The following KCNN2 variants were observed in gnomAD, a reference collection of about 807,000 sequenced individuals.
KCNN2 encodes potassium calcium-activated channel subfamily N member 2, also known as small conductance calcium-activated potassium channel protein 2.
In KCNN2, 24 loss-of-function variants were observed where a neutral mutation model predicts 55.5. The observed-to-expected ratio is 0.43, with a 90% CI of 0.31 to 0.61. KCNN2 has a LOEUF of 0.61. Ranked by LOEUF, KCNN2 falls within the 20% of genes least tolerant of loss-of-function variation. The pLI, the probability that KCNN2 is intolerant of heterozygous loss-of-function variation, is 0.08. For missense variants in KCNN2, 754 were observed against 853.6 expected (o/e 0.88, Z 1.45); for synonymous variants, 431 against 336.1 (o/e 1.28, Z -3.09).
In KCNN2 at chr5:114,202,601, T is replaced by TTTTTTTTTTC. The variant is rs70976320; in HGVS notation, c.-270-18879_-270-18878insTTTTTTTTTC. ...TATATATATATTTTTTTTTTTTTTT[T>TTTTTTTTTTC]CCCGAGACAGAGTCTCGCTCTGTTG... On this transcript the variant is annotated intron_variant, in intron 1 of 10. Coordinates refer to the KCNN2 transcript ENST00000512097. Among the ~76,000 whole-genome samples the TTTTTTTTTTC allele has an allele frequency of 6.4e-3, 902 of 140,844 alleles. 14 individuals carry two copies. The highest frequency in any genetic ancestry group is 0.024 in the African/African-American group (862 of 35,878). 92.4% of individuals were successfully genotyped at this position (140,844 alleles called of 152,430 possible). A position where few individuals can be genotyped will look rare whatever the true frequency, so the allele number is the denominator to read the frequency against.
rs551385753 is a variant in KCNN2 at position 114,446,272 on chromosome 5, G to A, written c.1638-16777G>A. ...TATATATAAAGTCTTGGAAATTGGG[G>A]AAGGTATTATATCTTCTGTGTCCTA... is the stretch of plus-strand genomic sequence containing the variant. On this transcript the variant is annotated intron_variant, in intron 3 of 7. Transcript: ENST00000673685. 4.6e-5 allele frequency among the ~76,000 whole-genome samples: 7 copies of A among 152,276 alleles called. No individual in the cohort carries two copies. The South Asian group carries it at 1.5e-3, about 32-fold the overall frequency.
chr5:114,236,751 AT>A (rs1439989895), intron 2 of KCNN2, among the ~76,000 whole-genome samples: 1 of 152,008 alleles, frequency 6.6e-6, no homozygotes, highest in Admixed American at 6.6e-5. Context: ...AATGTGAAAT[AT>A]TTTTTCATTG....
chr5:114,482,945 G>A (rs1206801872), intron 5 of KCNN2, among the ~76,000 whole-genome samples: 1 of 151,978 alleles, frequency 6.6e-6, no homozygotes, highest in Non-Finnish European at 1.5e-5. Flanking sequence ...TTAATAGCTG[G>A]GTGATGGAAT....
chr5:114,184,921 G>T (rs1013545437), intron 1 of KCNN2, among the ~76,000 whole-genome samples: 5 of 152,106 alleles, frequency 3.3e-5, no homozygotes, highest in Admixed American at 6.6e-5. Flanking sequence ...CATTTAAAGC[G>T]TAATCATTTT....
intron 2 of KCNN2, among the ~76,000 whole-genome samples, chr5:114,377,885 A>T (rs1757990690): frequency 6.6e-6 from 1 of 152,208 alleles, no homozygotes; most frequent in Non-Finnish European, 1.5e-5. Flanking sequence ...ATGCTCAATA[A>T]GTCTTAACTT....
chr5:114,089,525 A>G (rs1472044840), intron 1 of KCNN2, among the ~76,000 whole-genome samples: 1 of 152,178 alleles, frequency 6.6e-6, no homozygotes, highest in Non-Finnish European at 1.5e-5. Context: ...ACTCATGTGT[A>G]GTTGGGTAGT....
rs571564936 is a variant in KCNN2, at chr5:114,221,969, A to G, written c.-185+404A>G. 3.9e-5 allele frequency among the ~76,000 whole-genome samples: 6 copies of G among 152,306 alleles called. No homozygotes were observed. In the South Asian group the frequency reaches 1.2e-3, roughly 32 times the overall value. On this transcript the variant is annotated intron_variant, in intron 2 of 10. Coordinates refer to the KCNN2 transcript ENST00000512097. The stretch of plus-strand genomic sequence containing the variant: ...CTTTCGACCCTGTTTTCTCATTGAA[A>G]CTGAGGATGATGAAATACACCTTAC...
intron 1 of KCNN2, among the ~76,000 whole-genome samples, chr5:114,173,438 TTGTGTGTGTGTGTGTGTGTGTGTG>T (rs61630138): frequency 7.0e-6 from 1 of 142,098 alleles, no homozygotes; most frequent in Non-Finnish European, 1.5e-5. Context: ...TTTGTTTTGT[TTGTGTGTGTGTGTGTGTGTGTGTG>T]TGTGTGTGTG....
At chr5:114,367,550 G>A (rs1580754984) in intron 2 of KCNN2, among the ~76,000 whole-genome samples, 1 of 152,164 alleles carries the variant, frequency 6.6e-6, no homozygotes, top group African/African-American at 2.4e-5. Flanking sequence ...GATTATTTTT[G>A]TACAGTTTGG....
At chr5:114,429,465 G>A (rs769176236) in intron 3 of KCNN2, among the ~76,000 whole-genome samples, 22 of 151,898 alleles carry the variant, frequency 1.4e-4, no homozygotes, top group African/African-American at 3.9e-4. Context: ...ATGTGGTGCC[G>A]TTCAGATCTT....
At position 114,427,490 on chromosome 5, in the gene KCNN2, C is replaced by T. The variant is rs562017960; in HGVS notation, c.1637+22634C>T. Among the ~76,000 whole-genome samples the T allele has an allele frequency of 2.9e-4, 44 of 152,322 alleles. 1 individual carries two copies. The South Asian group carries it at 8.7e-3, about 30-fold the overall frequency. Reference sequence around the variant, plus strand: ...GGTATTTGGCTGGCTTCTAAATTCCCATCAAACCAATCCCACTCTTGTTTA... The same window carrying T: ...GGTATTTGGCTGGCTTCTAAATTCCTATCAAACCAATCCCACTCTTGTTTA... On this transcript the variant is annotated intron_variant, in intron 3 of 7. Coordinates refer to ENST00000673685, the MANE Select transcript of KCNN2 (RefSeq NM_021614.4).
intron 2 of KCNN2, among the ~76,000 whole-genome samples, chr5:114,302,700 A>G (rs1036539067): frequency 1.3e-5 from 2 of 152,204 alleles, no homozygotes; most frequent in Non-Finnish European, 2.9e-5. Context: ...AGTTAGAAGT[A>G]GAGCATTCTG....
intron 2 of KCNN2, among the ~76,000 whole-genome samples, chr5:114,388,784 A>G (rs1336284952): frequency 1.3e-5 from 2 of 152,092 alleles, no homozygotes; most frequent in African/African-American, 2.4e-5. Flanking sequence ...TAGTACTTTG[A>G]AGTTTACAGT....
chr5:114,496,187 G>A lies in KCNN2; in HGVS notation c.*5G>A, dbSNP rs372349593. 3.7e-6 allele frequency: 6 copies of A among 1,611,996 alleles called. No individual in the cohort carries two copies. Among genetic ancestry groups the A allele is most frequent in the Non-Finnish European group, 5.1e-6 (6 of 1,178,752 alleles). Reference sequence around the variant, plus strand: ...ACTTCATCAGAGAGTAGCTAGAAGAGAATAAGTTAACCACAAAATAAGACT... The same window carrying A: ...ACTTCATCAGAGAGTAGCTAGAAGAAAATAAGTTAACCACAAAATAAGACT... On this transcript the variant is annotated 3_prime_UTR_variant, in exon 8 of 8. Transcript: ENST00000673685.
chr5:114,242,859 A>G (rs1371319213), intron 2 of KCNN2, among the ~76,000 whole-genome samples: 1 of 152,220 alleles, frequency 6.6e-6, no homozygotes, highest in East Asian at 1.9e-4. Context: ...AACACAAAAA[A>G]TAAAAATAAA....
chr5:114,357,518 C>T (rs1278802844), upstream of KCNN2, among the ~76,000 whole-genome samples: 1 of 127,688 alleles, frequency 7.8e-6, no homozygotes, highest in Non-Finnish European at 1.6e-5. Context: ...TCTCATTGTT[C>T]AGTTCCCACC....
chr5:114,489,144 G>T (rs536047303), intron 6 of KCNN2: 1 of 152,214 alleles, frequency 6.6e-6, no homozygotes, highest in African/African-American at 2.4e-5. Flanking sequence ...CATGTGCAGT[G>T]GGGATTTGTA....
At chr5:114,466,990 A>C (rs1036344179) in intron 4 of KCNN2, among the ~76,000 whole-genome samples, 2 of 152,230 alleles carry the variant, frequency 1.3e-5, no homozygotes, top group African/African-American at 4.8e-5. Flanking sequence ...AGGAGCAAAA[A>C]AACAAGTCAG....
intron 1 of KCNN2, among the ~76,000 whole-genome samples, chr5:114,075,188 C>T (rs1750660962): frequency 6.6e-6 from 1 of 152,150 alleles, no homozygotes; most frequent in Non-Finnish European, 1.5e-5. Context: ...GAGATATAAA[C>T]ATTTTAGCTG....
Sources: gnomAD v4.1 joint callset for allele counts (sites outside exome capture counted in the v4.1 genomes callset) on GRCh38, gnomAD v4.1.1 for gene constraint, MANE v1.5 for transcripts, NCBI Gene and HGNC (gene_info 2026-07-23, HGNC 2026-07-21) for gene names.